Variants in LSAMP observed in about 807,000 individuals in gnomAD.
LSAMP encodes limbic system associated membrane protein.
Under a neutral mutation model 38.6 loss-of-function variants are expected in LSAMP, and 7 were observed. The observed-to-expected ratio is 0.18, with a 90% CI of 0.10 to 0.34. LSAMP has a LOEUF of 0.34. Among genes scored for constraint, LSAMP ranks in the 10% least tolerant of loss-of-function variants. LSAMP has a pLI of 1.00. For missense variants in LSAMP, 313 were observed against 420.0 expected (o/e 0.75, Z 2.23); for synonymous variants, 154 against 166.8 (o/e 0.92, Z 0.59).
chr3:116,209,121 G>A (rs934373553), intron 1 of LSAMP, among the ~76,000 whole-genome samples: 3 of 152,148 alleles, frequency 2.0e-5, no homozygotes, highest in East Asian at 1.9e-4. Context: ...TTTTTAAGCC[G>A]GTCCGAAAAG....
chr3:116,340,546 G>A (rs1406295321), intron 1 of LSAMP, among the ~76,000 whole-genome samples: 1 of 151,778 alleles, frequency 6.6e-6, no homozygotes, highest in East Asian at 1.9e-4. Flanking sequence ...TGCTTATTGC[G>A]GATCAGTGAA....
intron 1 of LSAMP, among the ~76,000 whole-genome samples, chr3:116,331,410 C>T (rs1204774242): frequency 6.6e-6 from 1 of 152,122 alleles, no homozygotes; most frequent in Non-Finnish European, 1.5e-5. Flanking sequence ...AGAAGCTCAA[C>T]AAACTCCAAG....
intron 1 of LSAMP, among the ~76,000 whole-genome samples, chr3:116,412,338 T>C (rs1014972144): frequency 1.3e-5 from 2 of 152,068 alleles, no homozygotes; most frequent in Non-Finnish European, 2.9e-5. Context: ...TGGTTCTCTC[T>C]GTCTGGAACT....
At chr3:116,252,369 C>A (rs1006144146) in intron 1 of LSAMP, among the ~76,000 whole-genome samples, 3 of 152,072 alleles carry the variant, frequency 2.0e-5, no homozygotes, top group African/African-American at 4.8e-5. Flanking sequence ...ATTGTGTAGA[C>A]AAAGTGAGAC....
At chr3:116,011,097 G>A (rs2107675514) in intron 3 of LSAMP, among the ~76,000 whole-genome samples, 1 of 151,916 alleles carries the variant, frequency 6.6e-6, no homozygotes, top group South Asian at 2.1e-4. Flanking sequence ...TCTGCCTCCT[G>A]GGTTCATGCC....
Position 116,377,610 on chromosome 3 carries a change from T to C in LSAMP, c.155+67267A>G, listed in dbSNP as rs190323272. 2.6e-3 allele frequency among the ~76,000 whole-genome samples: 402 copies of C among 152,208 alleles called. 5 individuals carry two copies. The highest frequency in any genetic ancestry group is 9.2e-3 in the African/African-American group (384 of 41,560). On this transcript the variant is annotated intron_variant, in intron 1 of 6. Transcript: ENST00000490035. ...GATAGATACCTAGTAATTGGATTGC[T>C]GGGTTAAATGGTATTTGTTGTTCTA...
chr3:115,810,249 C>G lies in LSAMP; in HGVS notation c.*68G>C, dbSNP rs576074730. 5 of 1,114,930 alleles carry G rather than the reference C, an allele frequency of 4.5e-6. No individual in the cohort carries two copies. Among genetic ancestry groups the G allele is most frequent in the Admixed American group, 2.2e-5 (1 of 45,984 alleles). 69.1% of individuals were successfully genotyped at this position (1,114,930 alleles called of 1,614,324 possible). The stretch of plus-strand genomic sequence containing the variant: ...TCTCTCTCTCTCTCTCTCTCTGTCT[C>G]TCTCTCTCTGTATTCTGTGTGACGC... On this transcript the variant is annotated 3_prime_UTR_variant, in exon 7 of 7. Coordinates refer to ENST00000490035, the MANE Select transcript of LSAMP (RefSeq NM_002338.5).
intron 2 of LSAMP, among the ~76,000 whole-genome samples, chr3:116,053,520 A>C (rs1353238818): frequency 6.6e-6 from 1 of 152,190 alleles, no homozygotes; most frequent in Non-Finnish European, 1.5e-5. Context: ...ATTATACTGG[A>C]CCTTAGGGAC....
chr3:116,293,877 A>G (rs972614953), intron 1 of LSAMP, among the ~76,000 whole-genome samples: 11 of 152,048 alleles, frequency 7.2e-5, no homozygotes, highest in Admixed American at 6.6e-4. Context: ...ACACTAAAAA[A>G]TGTACTCTTT....
intron 3 of LSAMP, among the ~76,000 whole-genome samples, chr3:115,986,929 C>G (rs1297175414): frequency 6.6e-6 from 1 of 152,116 alleles, no homozygotes; most frequent in Admixed American, 6.6e-5. Context: ...GGGGAGGAGA[C>G]AGATAGCTTA....
chr3:116,175,995 G>A (rs1710328798), intron 1 of LSAMP, among the ~76,000 whole-genome samples: 1 of 152,064 alleles, frequency 6.6e-6, no homozygotes, highest in South Asian at 2.1e-4. Flanking sequence ...AGAAGTAGAG[G>A]AGCTTTGGAG....
At chr3:115,962,788 A>G (rs533210831) in intron 3 of LSAMP, among the ~76,000 whole-genome samples, 201 of 152,336 alleles carry the variant, frequency 1.3e-3, no homozygotes, top group Middle Eastern at 3.4e-3. Flanking sequence ...TGGAGCCCCC[A>G]GCCCTTTGGA....
At chr3:116,052,779 G>T (rs1941419774) in intron 2 of LSAMP, among the ~76,000 whole-genome samples, 1 of 152,160 alleles carries the variant, frequency 6.6e-6, no homozygotes, top group African/African-American at 2.4e-5. Context: ...CATCGTTCAA[G>T]GTGCTCGTGT....
chr3:116,222,864 T>C (rs1054098229), intron 1 of LSAMP, among the ~76,000 whole-genome samples: 4 of 150,182 alleles, frequency 2.7e-5, no homozygotes, highest in African/African-American at 9.8e-5. Flanking sequence ...GCCTCCCGAG[T>C]AGCTGGGACT....
chr3:116,301,386 G>GCAAA (rs752818578), intron 1 of LSAMP, among the ~76,000 whole-genome samples: 4 of 152,014 alleles, frequency 2.6e-5, no homozygotes, highest in African/African-American at 4.8e-5. Context: ...CATCCAAAAA[G>GCAAA]CAAACAAACA....
chr3:116,249,823 A>G (rs924836652), intron 1 of LSAMP, among the ~76,000 whole-genome samples: 3 of 152,134 alleles, frequency 2.0e-5, no homozygotes, highest in Admixed American at 1.3e-4. Context: ...ACCCTTTAGC[A>G]TATGTTTATT....
At position 116,274,850 on chromosome 3, in the gene LSAMP, A is replaced by G. The variant is rs181834453; in HGVS notation, c.155+170027T>C. On this transcript the variant is annotated intron_variant, in intron 1 of 6. Coordinates refer to ENST00000490035, the MANE Select transcript of LSAMP (RefSeq NM_002338.5). ...GCTGTAGTCTTTTTCCCTCCTCACC[A>G]TTAACAAATGGGCAAAATTCATCTA... Among the ~76,000 whole-genome samples, 1,072 of 152,006 alleles carry G rather than the reference A, an allele frequency of 7.1e-3. 14 individuals carry two copies. The highest frequency in any genetic ancestry group is 9.9e-3 in the Admixed American group (151 of 15,240).
At chr3:115,931,949 A>G (rs987401400) in intron 3 of LSAMP, among the ~76,000 whole-genome samples, 7 of 152,172 alleles carry the variant, frequency 4.6e-5, no homozygotes, top group Non-Finnish European at 1.0e-4. Context: ...ATAGATACCT[A>G]GCATTGAGCT....
At chr3:116,340,243 G>A (rs971201842) in intron 1 of LSAMP, among the ~76,000 whole-genome samples, 12 of 152,012 alleles carry the variant, frequency 7.9e-5, no homozygotes, top group Admixed American at 3.3e-4. Flanking sequence ...GATTAAAAGT[G>A]GCACTGTGGA....
Sources: allele counts gnomAD v4.1 joint callset (sites outside exome capture counted in the v4.1 genomes callset), GRCh38; gene constraint gnomAD v4.1.1; transcripts MANE v1.5; gene names NCBI Gene and HGNC (gene_info 2026-07-23, HGNC 2026-07-21).